Variants in CENPM observed in about 807,000 individuals in gnomAD.
CENPM encodes the protein interphase centromere complex protein 39.
In CENPM, 14 loss-of-function variants were observed where a neutral mutation model predicts 19.6. The observed-to-expected ratio is 0.71, with a 90% CI of 0.47 to 1.11. The LOEUF (loss-of-function observed/expected upper bound fraction) is 1.11, where lower values mean the gene tolerates loss of function less well. CENPM is among the 50% of genes most tolerant of loss of function. The pLI is 0.00. For synonymous variants in CENPM, 114 were observed against 101.5 expected, an observed-to-expected ratio of 1.12 and a Z score of -0.74; for missense variants, 239 against 228.4, an observed-to-expected ratio of 1.05 and a Z score of -0.30.
At chr22:41,940,658 T>C (rs1338534236) in intron 5 of CENPM, among the ~76,000 whole-genome samples, 1 of 152,148 alleles carries the variant, frequency 6.6e-6, no homozygotes, top group African/African-American at 2.4e-5. Context: ...GGATTACAGG[T>C]GTGAGCTACC....
At chr22:41,934,100 C>T (rs2077674350), downstream of CENPM, among the ~76,000 whole-genome samples, 1 of 152,228 alleles carries the variant, frequency 6.6e-6, no homozygotes, top group African/African-American at 2.4e-5. Flanking sequence ...GAGGCTGCTC[C>T]TGTTCCCACT....
downstream of CENPM, among the ~76,000 whole-genome samples, chr22:41,938,363 CT>C (rs564451166): frequency 9.6e-4 from 91 of 94,404 alleles, no homozygotes; most frequent in East Asian, 3.0e-3. Flanking sequence ...GCTGGTCTCG[CT>C]TTTTTTTTTT....
At chr22:41,940,270 G>T in intron 5 of CENPM, 3 of 679,872 alleles carry the variant, frequency 4.4e-6, no homozygotes, top group Non-Finnish European at 8.2e-6. Context: ...TTGCAGGGGC[G>T]TTCCCTGGTT....
chr22:41,944,700 G>A (rs2077779035), intron 4 of CENPM: 1 of 985,328 alleles, frequency 1.0e-6, no homozygotes, highest in Non-Finnish European at 1.2e-6. Flanking sequence ...CTTTTTCAGA[G>A]AACGATAAGC....
At chr22:41,929,218 G>A in the CENPM span, among the ~76,000 whole-genome samples, 1 of 152,214 alleles carries the variant, frequency 6.6e-6, no homozygotes, top group Middle Eastern at 3.4e-3. Context: ...GAGGCAGAGA[G>A]GTGGGGACAA....
intron 5 of CENPM, among the ~76,000 whole-genome samples, chr22:41,941,668 T>C (rs144097124): frequency 4.4e-4 from 67 of 152,350 alleles, no homozygotes; most frequent in Middle Eastern, 3.4e-3. Flanking sequence ...TGTCTGACCC[T>C]GAGCAAGTCG....
At chr22:41,939,868 G>GAAAAAGAAAGAA (rs1403549135) in intron 5 of CENPM, among the ~76,000 whole-genome samples, 1 of 9,292 alleles carries the variant, frequency 1.1e-4, no homozygotes, top group Admixed American at 7.1e-4. Flanking sequence ...AAGAAAGAAA[G>GAAAAAGAAAGAA]AAAGAAAGAA....
the CENPM span, chr22:41,928,132 GC>G: frequency 2.5e-6 from 1 of 395,180 alleles, no homozygotes; most frequent in Non-Finnish European, 5.0e-6. This position sits in a 1 kb window ranked among gnomAD's most constrained non-coding sequence, Gnocchi z 4.0. Flanking sequence ...ACACGAGGGA[GC>G]CACTGGGGCT....
chr22:41,933,356 A>AGGGGGTGGGGGT, the CENPM span, among the ~76,000 whole-genome samples: 1 of 27,242 alleles, frequency 3.7e-5, no homozygotes, highest in Non-Finnish European at 7.9e-5. Context: ...CGGCAGGGAG[A>AGGGGGTGGGGGT]GGGGGTGGGG....
At position 41,938,939 on chromosome 22, in the gene CENPM, C is replaced by G. The variant is rs2077698699; in HGVS notation, c.*117G>C. 7.2e-7 allele frequency: 1 copy of G among 1,390,792 alleles called. No homozygotes were observed. Among genetic ancestry groups the G allele is most frequent in the Admixed American group, 2.1e-5 (1 of 47,118 alleles). 86.2% of individuals were successfully genotyped at this position (1,390,792 alleles called of 1,614,324 possible). A position where few individuals can be genotyped will look rare whatever the true frequency, so the allele number is the denominator to read the frequency against. ...AGCACTGGCACTGCAGGGAACCTTC[C>G]CAGCCACGGCGGGCTGAGCCTGGGC... On this transcript the variant is annotated 3_prime_UTR_variant, in exon 6 of 6. Coordinates refer to ENST00000215980, the MANE Select transcript of CENPM (RefSeq NM_024053.5).
At chr22:41,939,608 G>A (rs975474990) in intron 5 of CENPM, among the ~76,000 whole-genome samples, 1 of 151,750 alleles carries the variant, frequency 6.6e-6, no homozygotes, top group Non-Finnish European at 1.5e-5. Context: ...GGATAGGAAG[G>A]AGGGAGGGGC....
At chr22:41,942,838 G>A (rs1890315695) in intron 5 of CENPM, among the ~76,000 whole-genome samples, 1 of 151,772 alleles carries the variant, frequency 6.6e-6, no homozygotes, top group Non-Finnish European at 1.5e-5. Flanking sequence ...AGTAGGCTGA[G>A]GTGGGAGGTT....
At chr22:41,944,133 C>T (rs993866333) in intron 4 of CENPM, 1 of 985,214 alleles carries the variant, frequency 1.0e-6, no homozygotes, top group African/African-American at 1.7e-5. Flanking sequence ...ATGTATTTGA[C>T]AGAAGCCTAG....
rs1051210934 is a variant in CENPM, at chr22:41,946,762, G to T, written c.57+258C>A. On this transcript the variant is annotated intron_variant, in intron 1 of 5. Transcript: ENST00000215980. ...CCAGGAGGCCAGACCCCCAGACGCG[G>T]GAAAACCAATTCCAGGCGCGGGAAC... is the stretch of plus-strand genomic sequence containing the variant. The T allele has an allele frequency of 2.3e-5, 14 of 600,238 alleles. No individual in the cohort carries two copies. The East Asian group carries it at 3.0e-4, about 13-fold the overall frequency. 37.2% of individuals were successfully genotyped at this position (600,238 alleles called of 1,614,324 possible).
chr22:41,939,830 G>GAAAGAAACAAAAAGAAGAA (rs1569425768), intron 5 of CENPM, among the ~76,000 whole-genome samples: 1 of 21,432 alleles, frequency 4.7e-5, no homozygotes, highest in African/African-American at 3.6e-4. Context: ...AAGAAAGAAA[G>GAAAGAAACAAAAAGAAGAA]AAAGAAAGAA....
intron 5 of CENPM, among the ~76,000 whole-genome samples, chr22:41,942,948 A>G (rs965940048): frequency 1.3e-5 from 2 of 151,590 alleles, no homozygotes; most frequent in Non-Finnish European, 2.9e-5. Flanking sequence ...CAATAACGAC[A>G]ACAACAACAA....
chr22:41,935,362 C>T (rs1236923178), downstream of CENPM, among the ~76,000 whole-genome samples: 1 of 152,146 alleles, frequency 6.6e-6, no homozygotes, highest in African/African-American at 2.4e-5. Flanking sequence ...GCTGCATCCA[C>T]ACCGCCTTCC....
Position 41,943,764 on chromosome 22 carries a change from T to C in CENPM, c.311-63A>G, listed in dbSNP as rs562889235. The C allele has an allele frequency of 2.0e-6, 3 of 1,466,370 alleles. No individual in the cohort carries two copies. In the African/African-American group the frequency reaches 4.2e-5, roughly 20 times the overall value. 90.8% of individuals were successfully genotyped at this position (1,466,370 alleles called of 1,614,324 possible). A position where few individuals can be genotyped will look rare whatever the true frequency, so the allele number is the denominator to read the frequency against. On this transcript the variant is annotated intron_variant, in intron 4 of 5. Transcript: ENST00000215980. ...ACCTTCCTGGCTGGAATTCAGGAAGTGCTGGGCAGAGTCACTCACTTCCCC... is the reference window on the plus strand; with the variant it reads ...ACCTTCCTGGCTGGAATTCAGGAAGCGCTGGGCAGAGTCACTCACTTCCCC...
chr22:41,947,126 A>C lies in CENPM; in HGVS notation c.-50T>G. 6.3e-7 allele frequency: 1 copy of C among 1,589,156 alleles called. No individual in the cohort carries two copies. Among genetic ancestry groups the C allele is most frequent in the South Asian group, 1.1e-5 (1 of 89,998 alleles). On this transcript the variant is annotated 5_prime_UTR_variant, in exon 1 of 6. Coordinates refer to ENST00000215980, the MANE Select transcript of CENPM (RefSeq NM_024053.5). ...TCCTGCGGTGCGCGCCGATCTTTCAAACCGCCCTGAGTCCAGCCCCTAGAG... is the reference window on the plus strand; with the variant it reads ...TCCTGCGGTGCGCGCCGATCTTTCACACCGCCCTGAGTCCAGCCCCTAGAG...
Sources: allele counts gnomAD v4.1 joint callset (sites outside exome capture counted in the v4.1 genomes callset), GRCh38; gene constraint gnomAD v4.1.1; non-coding constraint Gnocchi (gnomAD v3.1); transcripts MANE v1.5; gene names NCBI Gene and HGNC (gene_info 2026-07-23, HGNC 2026-07-21).